The following EYS variants were observed in gnomAD, a reference collection of about 807,000 sequenced individuals.
EYS encodes the protein EGF-like photoreceptor maintenance factor.
A neutral mutation model predicts 282.1 loss-of-function variants in EYS; 250 were observed. That is an observed-to-expected ratio of 0.89 (90% CI 0.80 to 0.98). The LOEUF is 0.98. Ranked by LOEUF, EYS falls within the 50% of genes least tolerant of loss-of-function variation. The pLI, the probability that EYS is intolerant of heterozygous loss-of-function variation, is 0.00. For missense variants in EYS, 4,016 were observed against 3,709.0 expected (o/e 1.08, Z -2.15); for synonymous variants, 1,355 against 1,282.9 (o/e 1.06, Z -1.20).
intron 31 of EYS, among the ~76,000 whole-genome samples, chr6:64,091,740 G>A (rs1329031452): frequency 6.6e-6 from 1 of 151,916 alleles, no homozygotes; most frequent in African/African-American, 2.4e-5. Flanking sequence ...TACAGCTTGG[G>A]ATACTGACAT....
intron 14 of EYS, among the ~76,000 whole-genome samples, chr6:64,955,757 G>C (rs534474313): frequency 6.6e-6 from 1 of 152,180 alleles, no homozygotes; most frequent in Non-Finnish European, 1.5e-5. Context: ...GGGGGAGCGG[G>C]GGAACTTTAC....
At chr6:65,142,389 A>G (rs1254724743) in intron 12 of EYS, among the ~76,000 whole-genome samples, 1 of 151,870 alleles carries the variant, frequency 6.6e-6, no homozygotes. Flanking sequence ...CTGGTAAAAT[A>G]CATCAGTAGA....
chr6:64,238,149 A>C (rs564209200), intron 30 of EYS, among the ~76,000 whole-genome samples: 3 of 152,158 alleles, frequency 2.0e-5, no homozygotes, highest in Admixed American at 6.6e-5. Flanking sequence ...GGACAAATGC[A>C]TTTCTTTCTC....
At position 64,591,482 on chromosome 6, in the gene EYS, G is replaced by A; in HGVS notation, c.4385C>T (p.Ser1462Phe). 1 of 1,551,314 alleles carries A rather than the reference G, an allele frequency of 6.4e-7. No homozygotes were observed. Residue 1462 changes from serine (S) to phenylalanine (F), a missense_variant, in exon 26 of 43, where the codon TCT (serine) becomes TTT (phenylalanine). By Grantham distance (155) the Ser-to-Phe change is radical (BLOSUM62 -2). Transcript: ENST00000503581. ...AASISATPVV[S>F]RGAQEDIEEY... ...TTCAATATCCTCTTGAGCCCCCCTA[G>A]AGACAACTGGAGTTGCACTTATGGA...
At chr6:64,426,408 A>G (rs767250539) in intron 28 of EYS, among the ~76,000 whole-genome samples, 1 of 152,236 alleles carries the variant, frequency 6.6e-6, no homozygotes, top group Non-Finnish European at 1.5e-5. Flanking sequence ...AGGACTGAAT[A>G]GTAAAGAACA....
chr6:64,488,949 ATAT>A (rs1776654778), intron 26 of EYS, among the ~76,000 whole-genome samples: 1 of 150,934 alleles, frequency 6.6e-6, no homozygotes, highest in African/African-American at 2.4e-5. Context: ...GAATTATTTG[ATAT>A]TATTTAATCT....
intron 13 of EYS, among the ~76,000 whole-genome samples, chr6:65,032,829 TGAAA>T (rs1397360684): frequency 6.6e-6 from 1 of 152,128 alleles, no homozygotes; most frequent in African/African-American, 2.4e-5. Context: ...GGGCAGAAGC[TGAAA>T]GAGTTTGGAG....
Position 64,309,881 on chromosome 6 carries a change from C to T in EYS, c.6079-2799G>A, listed in dbSNP as rs146676518. The stretch of plus-strand genomic sequence containing the variant: ...TCGGGAGGCTGTGGCAAGAGAATTG[C>T]TTAAACCTTGGAGGAGGAGGTTGCA... On this transcript the variant is annotated intron_variant, in intron 29 of 42. Coordinates refer to ENST00000503581, the MANE Select transcript of EYS (RefSeq NM_001142800.2). Among the ~76,000 whole-genome samples the T allele has an allele frequency of 2.9e-3, 438 of 151,470 alleles. 3 individuals are homozygous for T. The highest frequency in any genetic ancestry group is 9.9e-3 in the African/African-American group (410 of 41,232).
intron 1 of EYS, among the ~76,000 whole-genome samples, chr6:65,648,830 T>C (rs748897612): frequency 7.2e-5 from 11 of 151,974 alleles, no homozygotes; most frequent in Admixed American, 1.3e-4. Flanking sequence ...CTTTTACACA[T>C]GTAAGAAAGG....
At chr6:64,386,334 C>T (rs1422107960) in intron 29 of EYS, among the ~76,000 whole-genome samples, 1 of 152,190 alleles carries the variant, frequency 6.6e-6, no homozygotes, top group Non-Finnish European at 1.5e-5. Context: ...CAGTTCCACA[C>T]AGCTGGTGAG....
chr6:64,346,212 A>C (rs1169888412), intron 29 of EYS, among the ~76,000 whole-genome samples: 4 of 152,130 alleles, frequency 2.6e-5, no homozygotes, highest in Non-Finnish European at 5.9e-5. Context: ...GTATCTACCC[A>C]AAGGATTATA....
intron 11 of EYS, among the ~76,000 whole-genome samples, chr6:65,310,631 C>T (rs1173853039): frequency 6.6e-6 from 1 of 152,180 alleles, no homozygotes; most frequent in Admixed American, 6.5e-5. Flanking sequence ...TAGCTCTTTC[C>T]ACACCCTTCT....
intron 12 of EYS, among the ~76,000 whole-genome samples, chr6:65,070,986 T>A (rs1773887105): frequency 6.6e-6 from 1 of 151,942 alleles, no homozygotes; most frequent in Non-Finnish European, 1.5e-5. Context: ...CATTTGTCAC[T>A]TTTTTATTTC....
intron 1 of EYS, among the ~76,000 whole-genome samples, chr6:65,695,570 G>T (rs1769419394): frequency 6.6e-6 from 1 of 151,884 alleles, no homozygotes; most frequent in Admixed American, 6.6e-5. Context: ...GAAAAAGAGA[G>T]AGGAAGTTGG....
At chr6:64,539,827 G>C (rs1324194424) in intron 26 of EYS, among the ~76,000 whole-genome samples, 1 of 152,114 alleles carries the variant, frequency 6.6e-6, no homozygotes, top group African/African-American at 2.4e-5. Context: ...ATTCACACTA[G>C]TAGGACAGGT....
At position 63,979,140 on chromosome 6, in the gene EYS, G is replaced by A. The variant is rs536659714; in HGVS notation, c.7055+5243C>T. On this transcript the variant is annotated intron_variant, in intron 35 of 42. Transcript: ENST00000503581. ...CTAGTGCAGTGGTCTGCAAATGATA[G>A]CCCTTTTGCCAAATCCTGCCAGCCA... Among the ~76,000 whole-genome samples the A allele has an allele frequency of 1.1e-3, 166 of 151,990 alleles. 5 individuals are homozygous for A. In the South Asian group the frequency reaches 0.034, roughly 31 times the overall value.
intron 26 of EYS, among the ~76,000 whole-genome samples, chr6:64,522,758 G>A (rs1777786594): frequency 6.6e-6 from 1 of 151,680 alleles, no homozygotes; most frequent in South Asian, 2.1e-4. Flanking sequence ...CTCGATCGCT[G>A]AAGGTTAAAA....
intron 15 of EYS, among the ~76,000 whole-genome samples, chr6:64,924,866 A>T (rs1019774752): frequency 2.6e-5 from 4 of 152,166 alleles, no homozygotes; most frequent in Admixed American, 2.6e-4. Context: ...AAAGCCATTC[A>T]ACAAGACTCT....
intron 1 of EYS, among the ~76,000 whole-genome samples, chr6:65,687,014 T>C (rs972785823): frequency 6.6e-6 from 1 of 152,040 alleles, no homozygotes; most frequent in African/African-American, 2.4e-5. Context: ...AATTATTCTA[T>C]AGAAATAAAA....
Sources: allele counts gnomAD v4.1 joint callset (sites outside exome capture counted in the v4.1 genomes callset), GRCh38; gene constraint gnomAD v4.1.1; transcripts MANE v1.5; gene names NCBI Gene and HGNC (gene_info 2026-07-23, HGNC 2026-07-21).